Variants in MGST2 observed in about 807,000 individuals in gnomAD.
MGST2 encodes the protein glutathione peroxidase MGST2.
A neutral mutation model predicts 16.6 loss-of-function variants in MGST2; 9 were observed. The ratio of observed to expected loss-of-function variants is 0.54; its 90% CI spans 0.33 to 0.95. MGST2 has a LOEUF of 0.95. Ranked by LOEUF, MGST2 falls within the 40% of genes least tolerant of loss-of-function variation. The pLI, the probability that MGST2 is intolerant of heterozygous loss-of-function variation, is 0.03. For synonymous variants in MGST2, 79 were observed against 68.0 expected (o/e 1.16, Z -0.79); for missense variants, 159 against 175.1 (o/e 0.91, Z 0.52).
At chr4:139,719,219 A>G in intron 5 of MGST2, 1 of 1,363,108 alleles carries the variant, frequency 7.3e-7, no homozygotes, top group Non-Finnish European at 9.8e-7. Flanking sequence ...TGCTCAGTTT[A>G]CGTGGGTCAA....
At chr4:139,752,566 T>C in the MGST2 span, among the ~76,000 whole-genome samples, 1 of 152,230 alleles carries the variant, frequency 6.6e-6, no homozygotes, top group East Asian at 1.9e-4. Flanking sequence ...ATGGGAAGCT[T>C]TGGAAGCCAG....
chr4:139,692,366 A>G (rs1259406943), intron 2 of MGST2, among the ~76,000 whole-genome samples: 1 of 152,180 alleles, frequency 6.6e-6, no homozygotes, highest in African/African-American at 2.4e-5. Flanking sequence ...TCCTTCTGGG[A>G]ATACAGGGGA....
In MGST2 at chr4:139,700,382, C is replaced by T. The variant is rs190694133; in HGVS notation, c.230-3073C>T. On this transcript the variant is annotated intron_variant, in intron 3 of 4. Coordinates refer to ENST00000265498, the MANE Select transcript of MGST2 (RefSeq NM_002413.5). Reference sequence around the variant, plus strand: ...TCCTGATCTCGTGATCCGCCAGTCTCGGCCTCCCAAAGTGCTGGGATTACA... The same window carrying T: ...TCCTGATCTCGTGATCCGCCAGTCTTGGCCTCCCAAAGTGCTGGGATTACA... 6.8e-3 allele frequency among the ~76,000 whole-genome samples: 1,035 copies of T among 152,212 alleles called. 12 individuals carry two copies. Among genetic ancestry groups the T allele is most frequent in the South Asian group, 0.04 (193 of 4,820 alleles).
At chr4:139,677,798 C>T (rs533337375) in intron 1 of MGST2, among the ~76,000 whole-genome samples, 14 of 152,250 alleles carry the variant, frequency 9.2e-5, no homozygotes, top group East Asian at 5.8e-4. Flanking sequence ...CCACCGTGAT[C>T]GGCACATTTT....
In MGST2 at chr4:139,678,570, C is replaced by T; in HGVS notation, c.86C>T (p.Ala29Val). The change falls in exon 2 of 5, where the codon GCA becomes GTA. Residue 29 changes from alanine (A) to valine (V), a missense_variant. Physicochemically the swap from Ala to Val is moderately conservative, Grantham distance 64 (BLOSUM62 0). Coordinates refer to ENST00000265498, the MANE Select transcript of MGST2 (RefSeq NM_002413.5). ...QSYFALQVGK[A>V]RLKYKVTPPA... ...TATTTTGCTTTGCAAGTTGGAAAGG[C>T]AAGATTAAAATACAAAGTTACGCCC... is the stretch of plus-strand genomic sequence containing the variant. The T allele has an allele frequency of 1.9e-6, 3 of 1,614,058 alleles. No homozygotes were observed. The highest frequency in any genetic ancestry group is 2.5e-6 in the Non-Finnish European group (3 of 1,179,976).
At chr4:139,693,530 G>A (rs952786312) in intron 2 of MGST2, among the ~76,000 whole-genome samples, 1 of 152,128 alleles carries the variant, frequency 6.6e-6, no homozygotes, top group Non-Finnish European at 1.5e-5. Flanking sequence ...AAGAAACGTG[G>A]GAATGCTGTT....
At chr4:139,725,448 C>T (rs1441890984) in intron 5 of MGST2, among the ~76,000 whole-genome samples, 2 of 152,128 alleles carry the variant, frequency 1.3e-5, no homozygotes, top group Non-Finnish European at 2.9e-5. Flanking sequence ...TAAACTATTA[C>T]AATACTATGT....
intron 3 of MGST2, among the ~76,000 whole-genome samples, chr4:139,696,519 G>A (rs1324105769): frequency 6.6e-6 from 1 of 152,122 alleles, no homozygotes; most frequent in African/African-American, 2.4e-5. Context: ...CAGAGCACTC[G>A]TCTCTACCAA....
chr4:139,678,809 A>G, intron 2 of MGST2, 167 bp downstream of exon 2: 1 of 676,332 alleles, frequency 1.5e-6, no homozygotes, highest in Non-Finnish European at 2.7e-6. Context: ...GAAAGTTTGA[A>G]GGGTTCGGGG....
chr4:139,721,052 A>C (rs909143284), intron 5 of MGST2, among the ~76,000 whole-genome samples: 3 of 152,248 alleles, frequency 2.0e-5, no homozygotes, highest in African/African-American at 7.2e-5. Flanking sequence ...CAGCTTCCTG[A>C]GCTAGAAAAA....
At chr4:139,729,212 A>G (rs1406686132) in intron 5 of MGST2, among the ~76,000 whole-genome samples, 1 of 148,674 alleles carries the variant, frequency 6.7e-6, no homozygotes, top group Non-Finnish European at 1.5e-5. Context: ...CAGCAGTACA[A>G]TTTTTCTCTT....
At chr4:139,703,021 G>C (rs1727358104) in intron 3 of MGST2, among the ~76,000 whole-genome samples, 1 of 151,592 alleles carries the variant, frequency 6.6e-6, no homozygotes, top group Non-Finnish European at 1.5e-5. Context: ...CACCTCCTGG[G>C]TTCAAACGAT....
chr4:139,718,498 G>A (rs1293466926), intron 5 of MGST2: 1 of 152,106 alleles, frequency 6.6e-6, no homozygotes, highest in Non-Finnish European at 1.5e-5. Context: ...GCGGCCGCCA[G>A]AAGTAGATGT....
At chr4:139,694,818 A>G (rs1040280607) in intron 2 of MGST2, among the ~76,000 whole-genome samples, 2 of 152,224 alleles carry the variant, frequency 1.3e-5, no homozygotes, top group Non-Finnish European at 2.9e-5. Flanking sequence ...GTTCTGGGTA[A>G]CTCAAGTGGA....
chr4:139,720,930 C>T (rs1320018476), intron 5 of MGST2, among the ~76,000 whole-genome samples: 1 of 152,110 alleles, frequency 6.6e-6, no homozygotes, highest in Non-Finnish European at 1.5e-5. Flanking sequence ...GGTTAAAGGC[C>T]ACTGCTTCTG....
exon 6 of MGST2, chr4:139,740,442 A>G (rs923032813): frequency 6.6e-6 from 1 of 152,066 alleles, no homozygotes; most frequent in Non-Finnish European, 1.5e-5. Flanking sequence ...CTGCTCCATT[A>G]GGTTTTTTTT....
intron 4 of MGST2, 25 bp downstream of exon 4, chr4:139,703,561 AT>A (rs758833908): frequency 6.3e-7 from 1 of 1,599,014 alleles, no homozygotes; most frequent in South Asian, 1.1e-5. Context: ...GTAATTTTGT[AT>A]TTATGCAAAA....
chr4:139,690,840 T>C (rs973848281), intron 2 of MGST2, among the ~76,000 whole-genome samples: 47 of 152,204 alleles, frequency 3.1e-4, no homozygotes, highest in Non-Finnish European at 6.3e-4. Context: ...TTACTGCTCC[T>C]GGTTACCAGA....
At chr4:139,701,039 C>T (rs916988871) in intron 3 of MGST2, among the ~76,000 whole-genome samples, 2 of 152,122 alleles carry the variant, frequency 1.3e-5, no homozygotes, top group Non-Finnish European at 1.5e-5. Flanking sequence ...ATACTTGTGT[C>T]GCTTAAGGGC....
Sources: allele counts gnomAD v4.1 joint callset (sites outside exome capture counted in the v4.1 genomes callset), GRCh38; gene constraint gnomAD v4.1.1; transcripts MANE v1.5; gene names NCBI Gene and HGNC (gene_info 2026-07-23, HGNC 2026-07-21).